The following ATP6V1G3 variants were observed in gnomAD, a reference collection of about 807,000 sequenced individuals.
ATP6V1G3 encodes the protein ATPase H+ transporting V1 subunit G3.
ATP6V1G3 carries 9 observed loss-of-function variants against 9.3 expected under a neutral mutation model. The observed-to-expected ratio is 0.97, with a 90% confidence interval of 0.59 to 1.69. The LOEUF is 1.69. Ranked by LOEUF, ATP6V1G3 falls within the 40% of genes most tolerant of loss-of-function variation. The probability of loss-of-function intolerance (pLI) is 0.00; values close to 1 mark genes in which losing one functional copy is unlikely to be tolerated. For missense variants in ATP6V1G3, 133 were observed against 139.0 expected (o/e 0.96, Z 0.22); for synonymous variants, 43 against 43.8 (o/e 0.98, Z 0.07).
At chr1:198,537,032 C>T (rs1463819746) in intron 1 of ATP6V1G3, among the ~76,000 whole-genome samples, 2 of 152,152 alleles carry the variant, frequency 1.3e-5, no homozygotes, top group East Asian at 3.8e-4. Context: ...CTTTTATACT[C>T]TACTACTTCC....
intron 2 of ATP6V1G3, among the ~76,000 whole-genome samples, chr1:198,528,675 A>G (rs1186862743): frequency 1.3e-5 from 2 of 152,066 alleles, no homozygotes; most frequent in African/African-American, 4.8e-5. Flanking sequence ...GTCATTTGTA[A>G]ATCTTGGAAA....
At chr1:198,539,310 A>T (rs1324595711) in intron 1 of ATP6V1G3, among the ~76,000 whole-genome samples, 2 of 152,240 alleles carry the variant, frequency 1.3e-5, no homozygotes, top group African/African-American at 4.8e-5. Flanking sequence ...TAAATAATTC[A>T]GTACCTACTC....
chr1:198,525,625 T>C (rs1364034170), intron 2 of ATP6V1G3, among the ~76,000 whole-genome samples: 1 of 152,120 alleles, frequency 6.6e-6, no homozygotes, highest in East Asian at 1.9e-4. Context: ...ATTTTAGTAA[T>C]ATATTTAATC....
At chr1:198,524,653 C>T (rs960173283) in intron 2 of ATP6V1G3, among the ~76,000 whole-genome samples, 4 of 152,136 alleles carry the variant, frequency 2.6e-5, no homozygotes, top group South Asian at 4.1e-4. Flanking sequence ...TATAATTTCA[C>T]CAGAGGAGTT....
chr1:198,537,573 C>T (rs1031710407), intron 1 of ATP6V1G3, among the ~76,000 whole-genome samples: 1 of 152,098 alleles, frequency 6.6e-6, no homozygotes, highest in African/African-American at 2.4e-5. Flanking sequence ...CTTCTTGGTC[C>T]TCATTCTGAA....
chr1:198,532,394 A>G lies in ATP6V1G3; in HGVS notation c.83-3213T>C, dbSNP rs904287092. ...TATGGCCAGCAGTATCAAAAGACAC[A>G]GAGAACTGAAATAAGAGATATTTAA... is the stretch of plus-strand genomic sequence containing the variant. On this transcript the variant is annotated intron_variant, in intron 1 of 2. Coordinates refer to ENST00000367382, the MANE Select transcript of ATP6V1G3 (RefSeq NM_001376861.1). 5.9e-5 allele frequency among the ~76,000 whole-genome samples: 9 copies of G among 152,190 alleles called. 1 individual carries two copies. Among genetic ancestry groups the G allele is most frequent in the Non-Finnish European group, 1.3e-4 (9 of 68,032 alleles).
chr1:198,540,880 C>T, upstream of ATP6V1G3: 1 of 569,366 alleles, frequency 1.8e-6, no homozygotes, highest in Non-Finnish European at 3.1e-6. Flanking sequence ...CTTACCATTT[C>T]TGCCAATCTT....
intron 2 of ATP6V1G3, among the ~76,000 whole-genome samples, chr1:198,528,374 T>C (rs1427173037): frequency 5.3e-5 from 8 of 152,144 alleles, no homozygotes; most frequent in Non-Finnish European, 1.0e-4. Flanking sequence ...GCTTTACTTA[T>C]ATTTTTATTG....
chr1:198,533,034 G>A (rs375536198), intron 1 of ATP6V1G3, among the ~76,000 whole-genome samples: 3 of 152,126 alleles, frequency 2.0e-5, no homozygotes, highest in African/African-American at 4.8e-5. Flanking sequence ...GGCTAGGCAC[G>A]GTGGCTCATG....
At chr1:198,540,000 CT>C (rs1322376495) in intron 1 of ATP6V1G3, among the ~76,000 whole-genome samples, 1 of 152,070 alleles carries the variant, frequency 6.6e-6, no homozygotes, top group Non-Finnish European at 1.5e-5. Flanking sequence ...AGCAGGATCT[CT>C]TGAGTCCAGG....
rs1558179778 is a variant in ATP6V1G3, at chr1:198,532,446, G to A, written c.83-3265C>T. On this transcript the variant is annotated intron_variant, in intron 1 of 2. Coordinates refer to ENST00000367382, the MANE Select transcript of ATP6V1G3 (RefSeq NM_001376861.1). ...CAACATAACTAGATGTCTATTCTGT[G>A]CCACACACTATTGTAGATCTATGGA... Among the ~76,000 whole-genome samples the A allele has an allele frequency of 2.0e-5, 3 of 152,134 alleles. No homozygotes were observed. In the South Asian group the frequency reaches 6.2e-4, roughly 31 times the overall value.
At chr1:198,533,573 C>T (rs4915300) in intron 1 of ATP6V1G3, among the ~76,000 whole-genome samples, 6,955 of 152,234 alleles carry the variant, frequency 0.046, 339 homozygotes, top group South Asian at 0.19. Flanking sequence ...ACTGCAATTT[C>T]GTTGATATGC....
At chr1:198,530,562 C>T (rs1659857235) in intron 1 of ATP6V1G3, among the ~76,000 whole-genome samples, 1 of 152,182 alleles carries the variant, frequency 6.6e-6, no homozygotes, top group African/African-American at 2.4e-5. Flanking sequence ...CCTACACTTT[C>T]TTTAAAATCT....
chr1:198,525,295 T>G (rs750295173), intron 2 of ATP6V1G3, among the ~76,000 whole-genome samples: 11 of 152,140 alleles, frequency 7.2e-5, no homozygotes, highest in Non-Finnish European at 1.0e-4. Context: ...TGGTAAAAAA[T>G]TAAAAACAAA....
intron 2 of ATP6V1G3, among the ~76,000 whole-genome samples, chr1:198,527,289 C>G (rs1320710720): frequency 6.6e-6 from 1 of 152,080 alleles, no homozygotes; most frequent in African/African-American, 2.4e-5. Context: ...ATATGCTGAC[C>G]TTTCTATGTG....
intron 2 of ATP6V1G3, among the ~76,000 whole-genome samples, chr1:198,528,323 A>C (rs1659746553): frequency 6.6e-6 from 1 of 152,098 alleles, no homozygotes; most frequent in Non-Finnish European, 1.5e-5. Context: ...AGATTTCCAA[A>C]TTGCTAATAA....
intron 2 of ATP6V1G3, among the ~76,000 whole-genome samples, chr1:198,525,813 A>G (rs1326920429): frequency 6.6e-6 from 1 of 152,142 alleles, no homozygotes; most frequent in Non-Finnish European, 1.5e-5. Context: ...TGGACAGTGC[A>G]GCAATAAATG....
intron 1 of ATP6V1G3, among the ~76,000 whole-genome samples, chr1:198,533,111 C>T (rs1227902781): frequency 6.6e-6 from 1 of 151,816 alleles, no homozygotes; most frequent in Non-Finnish European, 1.5e-5. Flanking sequence ...CGAGACTATC[C>T]TGGCCAACAT....
At chr1:198,524,863 A>G (rs1236760160) in intron 2 of ATP6V1G3, among the ~76,000 whole-genome samples, 1 of 152,194 alleles carries the variant, frequency 6.6e-6, no homozygotes, top group African/African-American at 2.4e-5. Flanking sequence ...AATTTAATCC[A>G]AGATACTCCA....
Sources: gnomAD v4.1 joint callset for allele counts (sites outside exome capture counted in the v4.1 genomes callset) on GRCh38, gnomAD v4.1.1 for gene constraint, MANE v1.5 for transcripts, NCBI Gene and HGNC (gene_info 2026-07-23, HGNC 2026-07-21) for gene names.